SLC35E3: variants seen among roughly 807,000 people sequenced by gnomAD.
SLC35E3 encodes bladder cancer-overexpressed gene 1 protein.
A neutral mutation model predicts 30.8 loss-of-function variants in SLC35E3; 28 were observed. The ratio of observed to expected loss-of-function variants is 0.91; its 90% CI spans 0.67 to 1.25. SLC35E3 has a LOEUF of 1.25. Ranked by LOEUF, SLC35E3 falls within the 50% of genes most tolerant of loss-of-function variation. SLC35E3 has a pLI of 0.00. For missense variants in SLC35E3, 365 were observed against 375.4 expected (o/e 0.97, Z 0.23); for synonymous variants, 146 against 149.2 (o/e 0.98, Z 0.16).
intron 4 of SLC35E3, among the ~76,000 whole-genome samples, chr12:68,761,577 C>G (rs1210585548): frequency 6.6e-6 from 1 of 152,140 alleles, no homozygotes; most frequent in Non-Finnish European, 1.5e-5. Context: ...CAGTAGCATA[C>G]ATACCCTTTG....
Position 68,773,180 on chromosome 12 carries a change from G to A in SLC35E3, c.*8290G>A, listed in dbSNP as rs1373453421. 6.6e-6 allele frequency: 1 copy of A among 152,246 alleles called. No homozygotes were observed. The highest frequency in any genetic ancestry group is 1.5e-5 in the Non-Finnish European group (1 of 68,068). The allele number at this position is 152,246 out of a possible 1,614,324, so 9.4% of individuals were successfully genotyped here. ...AGCTACAATAAAGTGTCGTCTTGGA[G>A]TCTGTTGTACATTTAAGAATAAACT... On this transcript the variant is annotated 3_prime_UTR_variant, in exon 5 of 5. Coordinates refer to ENST00000398004, the MANE Select transcript of SLC35E3 (RefSeq NM_018656.5).
Position 68,748,048 on chromosome 12 carries a change from A to ATT in SLC35E3, c.513+16_513+17dup. The ATT allele has an allele frequency of 1.3e-6, 2 of 1,519,040 alleles. No individual in the cohort carries two copies. Among genetic ancestry groups the ATT allele is most frequent in the Non-Finnish European group, 1.8e-6 (2 of 1,103,942 alleles). The allele number at this position is 1,519,040 out of a possible 1,614,324, so 94.1% of individuals were successfully genotyped here. A position where few individuals can be genotyped will look rare whatever the true frequency, so the allele number is the denominator to read the frequency against. ...ACATCCCTTTATCAAGTGGTTGGTA[A>ATT]TTTTTTTTTCTTTATGTGCCTTTTT... On this transcript the variant is annotated intron_variant, in intron 2 of 4. Coordinates refer to ENST00000398004, the MANE Select transcript of SLC35E3 (RefSeq NM_018656.5).
At position 68,767,384 on chromosome 12, in the gene SLC35E3, G is replaced by T. The variant is rs1355757382; in HGVS notation, c.*2494G>T. The T allele has an allele frequency of 6.6e-6, 1 of 152,106 alleles. No homozygotes were observed. The highest frequency in any genetic ancestry group is 1.5e-5 in the Non-Finnish European group (1 of 68,052). 9.4% of individuals were successfully genotyped at this position (152,106 alleles called of 1,614,324 possible). A position where few individuals can be genotyped will look rare whatever the true frequency, so the allele number is the denominator to read the frequency against. The stretch of plus-strand genomic sequence containing the variant: ...ATACAAAAATTAGCCGGGCCTAGTG[G>T]CACGTGCCTGTAGCTCCATCTACTC... On this transcript the variant is annotated 3_prime_UTR_variant, in exon 5 of 5. Coordinates refer to ENST00000398004, the MANE Select transcript of SLC35E3 (RefSeq NM_018656.5).
At chr12:68,757,888 G>A (rs1449036946) in intron 3 of SLC35E3, among the ~76,000 whole-genome samples, 1 of 151,660 alleles carries the variant, frequency 6.6e-6, no homozygotes, top group Non-Finnish European at 1.5e-5. Context: ...AGGAGTTCGA[G>A]ACCAGCCTGG....
Position 68,764,956 on chromosome 12 carries a change from T to A in SLC35E3, c.*66T>A. The A allele has an allele frequency of 6.6e-7, 1 of 1,518,508 alleles. No homozygotes were observed. The highest frequency in any genetic ancestry group is 2.1e-5 in the Admixed American group (1 of 48,284). 94.1% of individuals were successfully genotyped at this position (1,518,508 alleles called of 1,614,324 possible). ...AAAAAATATTGTTAAGTGTGCAAGT[T>A]ATTAAAAAAAAAAAATTGGGCCAGG... On this transcript the variant is annotated 3_prime_UTR_variant, in exon 5 of 5. Transcript: ENST00000398004.
At chr12:68,747,085 TCAAA>T (rs1457293258) in intron 1 of SLC35E3, among the ~76,000 whole-genome samples, 5 of 152,146 alleles carry the variant, frequency 3.3e-5, no homozygotes, top group Non-Finnish European at 7.3e-5. Flanking sequence ...CTGCAAAAGC[TCAAA>T]CAAAAACAGC....
Position 68,746,338 on chromosome 12 carries a change from G to A in SLC35E3, c.-40G>A, listed in dbSNP as rs771532243. On this transcript the variant is annotated 5_prime_UTR_variant, in exon 1 of 5. Coordinates refer to ENST00000398004, the MANE Select transcript of SLC35E3 (RefSeq NM_018656.5). ...AAGGGCAGCCGGAGACAGGCCCGGC[G>A]CCCCTTCCGAGGCTAGACGGCCCCA... 1.3e-6 allele frequency: 2 copies of A among 1,527,502 alleles called. No individual in the cohort carries two copies. The highest frequency in any genetic ancestry group is 8.8e-7 in the Non-Finnish European group (1 of 1,142,646). 94.6% of individuals were successfully genotyped at this position (1,527,502 alleles called of 1,614,324 possible).
In SLC35E3 at chr12:68,750,970, T is replaced by C. The variant is rs958171129; in HGVS notation, c.514-1062T>C. Among the ~76,000 whole-genome samples, 204 of 152,212 alleles carry C rather than the reference T, an allele frequency of 1.3e-3. 1 individual carries two copies. The highest frequency in any genetic ancestry group is 1.8e-4 in the Non-Finnish European group (12 of 68,030). Reference sequence around the variant, plus strand: ...TTGCCAGATCTGATCCAAACAGTCCTGTTAAATCTTCTTCAAAGCCTTTTT... The same window carrying C: ...TTGCCAGATCTGATCCAAACAGTCCCGTTAAATCTTCTTCAAAGCCTTTTT... On this transcript the variant is annotated intron_variant, in intron 2 of 4. Coordinates refer to ENST00000398004, the MANE Select transcript of SLC35E3 (RefSeq NM_018656.5).
At chr12:68,749,472 G>A (rs940277770) in intron 2 of SLC35E3, among the ~76,000 whole-genome samples, 4 of 152,190 alleles carry the variant, frequency 2.6e-5, no homozygotes, top group Middle Eastern at 3.2e-3. Context: ...TCATTCATTC[G>A]TTCAGCAGAC....
rs1878587837 is a variant in SLC35E3, at chr12:68,746,693, G to T, written c.316G>T (p.Ala106Ser). 3 of 1,614,030 alleles carry T rather than the reference G, an allele frequency of 1.9e-6. No homozygotes were observed. Among genetic ancestry groups the T allele is most frequent in the Non-Finnish European group, 2.5e-6 (3 of 1,180,016 alleles). Residue 106 changes from alanine to serine, a missense_variant, in exon 1 of 5, where the codon GCC becomes TCC. By Grantham distance (99) the Ala-to-Ser change is moderately conservative. Transcript: ENST00000398004. ...CAACACCATAGGCACCTATCAGCTG[G>T]CCAAGGCCATGACCACGCCGGTGAT... ...QNNTIGTYQL[A>S]KAMTTPVIIA...
rs958458647 is a variant in SLC35E3, at chr12:68,765,032, G to A, written c.*142G>A. On this transcript the variant is annotated 3_prime_UTR_variant, in exon 5 of 5. Coordinates refer to ENST00000398004, the MANE Select transcript of SLC35E3 (RefSeq NM_018656.5). ...AGCACTTTGGGAGGCCAAGGCCAGC[G>A]GATCACTTGAGGTCAGGAGTTCGAG... 46 of 669,192 alleles carry A rather than the reference G, an allele frequency of 6.9e-5. No individual in the cohort carries two copies. Among genetic ancestry groups the A allele is most frequent in the South Asian group, 1.4e-4 (7 of 48,872 alleles). 41.5% of individuals were successfully genotyped at this position (669,192 alleles called of 1,614,324 possible).
chr12:68,754,078 C>A (rs1348770865), intron 3 of SLC35E3, among the ~76,000 whole-genome samples: 1 of 152,116 alleles, frequency 6.6e-6, no homozygotes, highest in Non-Finnish European at 1.5e-5. Context: ...ATCTCTTGAC[C>A]TCGTGACCCA....
Position 68,746,300 on chromosome 12 carries a change from G to T in SLC35E3, c.-78G>T. ...GTGAGGTCGGCGTCTGCGAGGACGC[G>T]GCGGTGGAGTAGAAGGGCAGCCGGA... On this transcript the variant is annotated 5_prime_UTR_variant, in exon 1 of 5. Transcript: ENST00000398004. 1.4e-6 allele frequency: 2 copies of T among 1,423,720 alleles called. No individual in the cohort carries two copies. Among genetic ancestry groups the T allele is most frequent in the Non-Finnish European group, 1.9e-6 (2 of 1,062,898 alleles). 88.2% of individuals were successfully genotyped at this position (1,423,720 alleles called of 1,614,324 possible).
Position 68,746,798 on chromosome 12 carries a change from C to T in SLC35E3, c.402+19C>T. The T allele has an allele frequency of 1.3e-6, 2 of 1,543,820 alleles. No individual in the cohort carries two copies. Among genetic ancestry groups the T allele is most frequent in the Non-Finnish European group, 8.7e-7 (1 of 1,143,948 alleles). ...CACGCTGGTGAGTAGCTTCAGCTTC[C>T]CAAGGCGCCGCTCTCCCGACCCACC... On this transcript the variant is annotated intron_variant, in intron 1 of 4. Coordinates refer to ENST00000398004, the MANE Select transcript of SLC35E3 (RefSeq NM_018656.5).
chr12:68,758,829 C>T (rs1565715744), intron 3 of SLC35E3, among the ~76,000 whole-genome samples: 2 of 139,746 alleles, frequency 1.4e-5, no homozygotes, highest in South Asian at 2.4e-4. Flanking sequence ...GCAAGCTCCA[C>T]CTTCCAGGTT....
chr12:68,753,327 C>T (rs904605280), intron 3 of SLC35E3, among the ~76,000 whole-genome samples: 2 of 151,804 alleles, frequency 1.3e-5, no homozygotes, highest in African/African-American at 4.8e-5. Context: ...GTGGCACATG[C>T]CTGCAGTCCC....
In SLC35E3 at chr12:68,767,536, A is replaced by T. The variant is rs1417497664; in HGVS notation, c.*2646A>T. On this transcript the variant is annotated 3_prime_UTR_variant, in exon 5 of 5. Coordinates refer to ENST00000398004, the MANE Select transcript of SLC35E3 (RefSeq NM_018656.5). Reference sequence around the variant, plus strand: ...GTCTCGGGAAAAAAAAAAAAAAAAAAAGGGAAGAGCGACAAAATATACCTT... The same window carrying T: ...GTCTCGGGAAAAAAAAAAAAAAAAATAGGGAAGAGCGACAAAATATACCTT... 1.3e-5 allele frequency: 2 copies of T among 148,386 alleles called. No individual in the cohort carries two copies. The highest frequency in any genetic ancestry group is 2.4e-5 in the African/African-American group (1 of 40,992). The allele number at this position is 148,386 out of a possible 1,614,324, so 9.2% of individuals were successfully genotyped here. A position where few individuals can be genotyped will look rare whatever the true frequency, so the allele number is the denominator to read the frequency against.
At chr12:68,749,850 A>G (rs774500055) in intron 2 of SLC35E3, among the ~76,000 whole-genome samples, 1 of 152,216 alleles carries the variant, frequency 6.6e-6, no homozygotes, top group East Asian at 1.9e-4. Context: ...GGGTGATACC[A>G]GATGTCAGGG....
rs1423247480 is a variant in SLC35E3 at position 68,765,679 on chromosome 12, C to T, written c.*789C>T. 6.6e-6 allele frequency: 1 copy of T among 151,022 alleles called. No homozygotes were observed. The highest frequency in any genetic ancestry group is 1.5e-5 in the Non-Finnish European group (1 of 67,896). 9.4% of individuals were successfully genotyped at this position (151,022 alleles called of 1,614,324 possible). A position where few individuals can be genotyped will look rare whatever the true frequency, so the allele number is the denominator to read the frequency against. ...ATACATATATACACATATATACACA[C>T]ACACATACATATACATGTGTATATA... On this transcript the variant is annotated 3_prime_UTR_variant, in exon 5 of 5. Transcript: ENST00000398004.
Sources: allele counts gnomAD v4.1 joint callset (sites outside exome capture counted in the v4.1 genomes callset), GRCh38; gene constraint gnomAD v4.1.1; transcripts MANE v1.5; gene names NCBI Gene and HGNC (gene_info 2026-07-23, HGNC 2026-07-21).